The following PLXND1 variants were observed in gnomAD, a reference collection of about 807,000 sequenced individuals.
The protein encoded by PLXND1 is plexin-D1.
Under a neutral mutation model 197.7 loss-of-function variants are expected in PLXND1, and 54 were observed. The ratio of observed to expected loss-of-function variants is 0.27; its 90% CI spans 0.22 to 0.34. The LOEUF (loss-of-function observed/expected upper bound fraction) is 0.34. PLXND1 is among the 10% of genes least tolerant of loss of function. The pLI, the probability that PLXND1 is intolerant of heterozygous loss-of-function variation, is 1.00. For synonymous variants in PLXND1, 1,180 were observed against 1,161.2 expected (o/e 1.02, Z -0.33); for missense variants, 2,127 against 2,699.2 (o/e 0.79, Z 4.70).
In PLXND1 at chr3:129,558,513, T is replaced by C. The variant is rs922019052; in HGVS notation, c.5360A>G (p.Lys1787Arg). Residue 1787 changes from lysine to arginine, a missense_variant, in exon 33 of 36, where the codon AAG (lysine) becomes AGG (arginine). Physicochemically the swap from Lys to Arg is conservative, Grantham distance 26. Around this residue, in one of 6 missense-constraint regions of PLXND1, gnomAD observed 200 missense variants for 303.3 expected, o/e 0.66. Transcript: ENST00000324093. The surrounding 1 kb of genome is among the most constrained non-coding windows in gnomAD (Gnocchi z 4.1). ...AAGGCAGGCGTCGATGTGGTCTGTC[T>C]TGTCGATGTCAAAGACAAACTGGGG... is the stretch of plus-strand genomic sequence containing the variant. ...KNPQFVFDID[K>R]TDHIDACLSV... 6.2e-7 allele frequency: 1 copy of C among 1,613,956 alleles called. No individual in the cohort carries two copies.
At position 129,605,687 on chromosome 3, in the gene PLXND1, A is replaced by G; in HGVS notation, c.953T>C (p.Leu318Pro). 1 of 1,538,288 alleles carries G rather than the reference A, an allele frequency of 6.5e-7. No homozygotes were observed. Among genetic ancestry groups the G allele is most frequent in the Non-Finnish European group, 8.7e-7 (1 of 1,144,938 alleles). Residue 318 changes from leucine to proline, a missense_variant, in exon 1 of 36, where the codon CTG becomes CCG. By Grantham distance (98) the Leu-to-Pro change is moderately conservative. Coordinates refer to ENST00000324093, the MANE Select transcript of PLXND1 (RefSeq NM_015103.3). ...GDKESQARSLLARICLPHGAG... is the reference protein window; with the variant it reads ...GDKESQARSLPARICLPHGAG... ...GCCGTGGGGCAGGCAGATGCGCGCCAGCAGGCTCCGCGCCTGGCTCTCCTT... is the reference window on the plus strand; with the variant it reads ...GCCGTGGGGCAGGCAGATGCGCGCCGGCAGGCTCCGCGCCTGGCTCTCCTT...
At chr3:129,574,121 T>C (rs1578326892) in intron 12 of PLXND1, among the ~76,000 whole-genome samples, 3 of 152,218 alleles carry the variant, frequency 2.0e-5, no homozygotes, top group East Asian at 3.8e-4. Context: ...CAATGCCTTC[T>C]ATAATTTATT....
chr3:129,556,159 G>A lies in PLXND1; in HGVS notation c.*153C>T. ...CAGGGGTCAAGGCGGGGGCGCCCCT[G>A]TCTCAGAGAGCAGCCCCTCCTCCTG... On this transcript the variant is annotated 3_prime_UTR_variant, in exon 36 of 36. Transcript: ENST00000324093. 1 of 659,648 alleles carries A rather than the reference G, an allele frequency of 1.5e-6. No homozygotes were observed. Among genetic ancestry groups the A allele is most frequent in the Non-Finnish European group, 2.7e-6 (1 of 368,854 alleles). 40.9% of individuals were successfully genotyped at this position (659,648 alleles called of 1,614,324 possible). A position where few individuals can be genotyped will look rare whatever the true frequency, so the allele number is the denominator to read the frequency against.
In PLXND1 at chr3:129,561,610, C is replaced by T. The variant is rs766290312; in HGVS notation, c.4993+36G>A. 2.0e-6 allele frequency: 3 copies of T among 1,508,222 alleles called. No homozygotes were observed. In the Admixed American group the frequency reaches 5.2e-5, roughly 26 times the overall value. 93.4% of individuals were successfully genotyped at this position (1,508,222 alleles called of 1,614,324 possible). ...TGGGATGGAAGCCCCTGTCCACACG[C>T]AGCCTGGGCTCCCTTCCCACGTGCA... On this transcript the variant is annotated intron_variant, in intron 29 of 35. Transcript: ENST00000324093.
At position 129,575,476 on chromosome 3, in the gene PLXND1, G is replaced by T. The variant is rs1202850801; in HGVS notation, c.2523C>A (p.Pro841=). ...RPARFLDSPE[P]MTVMVYNCAM... ...GCGGGTGGGGGTGCCCACCTGTCAT[G>T]GGCTCAGGGCTGTCCAGGAATCGGG... Residue 841 remains proline, a synonymous_variant, in exon 11 of 36, where the codon CCC becomes CCA. Coordinates refer to ENST00000324093, the MANE Select transcript of PLXND1 (RefSeq NM_015103.3). The T allele has an allele frequency of 6.4e-7, 1 of 1,551,126 alleles. No individual in the cohort carries two copies. Among genetic ancestry groups the T allele is most frequent in the African/African-American group, 1.4e-5 (1 of 73,228 alleles).
In PLXND1 at chr3:129,572,704, G is replaced by A. The variant is rs113382224; in HGVS notation, c.2982C>T (p.Ala994=). 3.1e-5 allele frequency: 49 copies of A among 1,601,584 alleles called. 1 individual carries two copies. The Middle Eastern group carries it at 5.0e-4, about 16-fold the overall frequency. ...HSLEPTMGPK[A]GGTRITIHGN... is the part of the protein sequence containing the mutation. ...CATGGATGGTGATCCTGGTGCCCCC[G>A]GCCTTGGGGCCCATGGTAGGCTCCA... is the stretch of plus-strand genomic sequence containing the variant. The change falls in exon 15 of 36, where the codon GCC becomes GCT. Residue 994 remains alanine, a synonymous_variant. Transcript: ENST00000324093.
rs754140041 is a variant in PLXND1, at chr3:129,556,703, C to G, written c.5587-12G>C. 1.9e-6 allele frequency: 3 copies of G among 1,599,990 alleles called. No homozygotes were observed. The African/African-American group carries it at 4.0e-5, about 21-fold the overall frequency. ...TCATTCTGGTATTTCTATAAGGAGG[C>G]AGGATGGGGAGGAGGTTAGCCCAGC... On this transcript the variant is annotated splice_polypyrimidine_tract_variant and intron_variant, in intron 34 of 35. Transcript: ENST00000324093.
chr3:129,589,330 C>CCA, intron 2 of PLXND1, 21 bp downstream of exon 2: 1 of 1,413,018 alleles, frequency 7.1e-7, no homozygotes. Flanking sequence ...ACCCCCTCCC[C>CCA]ACATCCCCAA....
intron 1 of PLXND1, among the ~76,000 whole-genome samples, chr3:129,604,446 CTCTGTGCCTGTT>C (rs1350719882): frequency 2.0e-5 from 3 of 152,226 alleles, no homozygotes; most frequent in African/African-American, 7.2e-5. Context: ...TGCTTAACCT[CTCTGTGCCTGTT>C]TCTTCATCTG....
chr3:129,573,014 GC>G, intron 13 of PLXND1, 73 bp from the exon 14 acceptor site: 1 of 1,034,058 alleles, frequency 9.7e-7, no homozygotes, highest in Non-Finnish European at 1.5e-6. Context: ...CTCAGGGATC[GC>G]CCCATTCCAC....
intron 8 of PLXND1, among the ~76,000 whole-genome samples, chr3:129,579,906 G>A (rs754661087): frequency 1.5e-4 from 23 of 152,182 alleles, no homozygotes; most frequent in Non-Finnish European, 2.6e-4. Context: ...CGGACCTCGA[G>A]GGGATGCCAA....
intron 1 of PLXND1, 36 bp downstream of exon 1, chr3:129,605,278 CCCGCCCCCGCCGCCG>C: frequency 5.4e-6 from 4 of 736,878 alleles, no homozygotes; most frequent in South Asian, 5.1e-5. Context: ...CGCCCCCGCC[CCCGCCCCCGCCGCCG>C]CCGCCGCCGC....
chr3:129,556,869 TC>T lies in PLXND1; in HGVS notation c.5587-179del. On this transcript the variant is annotated intron_variant, in intron 34 of 35. Coordinates refer to ENST00000324093, the MANE Select transcript of PLXND1 (RefSeq NM_015103.3). ...CGGCTTCCCGGACCCTGAAGTCCAA[TC>T]TCCTCTCCATCCAGAGGGTGCTCTC... 3 of 688,590 alleles carry T rather than the reference TC, an allele frequency of 4.4e-6. No homozygotes were observed. The Admixed American group carries it at 7.6e-5, about 17-fold the overall frequency. 42.7% of individuals were successfully genotyped at this position (688,590 alleles called of 1,614,324 possible).
At chr3:129,556,864 T>A in intron 34 of PLXND1, 173 bp from the exon 35 acceptor site, 1 of 684,498 alleles carries the variant, frequency 1.5e-6, no homozygotes, top group East Asian at 2.7e-5. Flanking sequence ...GACCCTGAAG[T>A]CCAATCTCCT....
In PLXND1 at chr3:129,589,425, T is replaced by C; in HGVS notation, c.1414A>G (p.Thr472Ala). 1.2e-6 allele frequency: 2 copies of C among 1,607,656 alleles called. No individual in the cohort carries two copies. Among genetic ancestry groups the C allele is most frequent in the Non-Finnish European group, 8.5e-7 (1 of 1,178,406 alleles). ...ATPVFRAPGL[T>A]SVAVASVNNY... ...TTGACGCTGGCCACGGCCACGGAGG[T>C]GAGGCCCGGGGCGCGGAACACGGGC... Residue 472 changes from threonine to alanine, a missense_variant, in exon 2 of 36, where the codon ACC becomes GCC. By Grantham distance (58) the Thr-to-Ala change is moderately conservative. Coordinates refer to ENST00000324093, the MANE Select transcript of PLXND1 (RefSeq NM_015103.3).
intron 23 of PLXND1, among the ~76,000 whole-genome samples, 198 bp downstream of exon 23, chr3:129,566,329 T>C (rs2085139888): frequency 6.6e-6 from 1 of 151,712 alleles, no homozygotes; most frequent in African/African-American, 2.4e-5. Context: ...CTACCTGGCC[T>C]GCGGGGGCAG....
At position 129,556,263 on chromosome 3, in the gene PLXND1, G is replaced by A. The variant is rs2084971543; in HGVS notation, c.*49C>T. The A allele has an allele frequency of 8.1e-7, 1 of 1,241,172 alleles. No individual in the cohort carries two copies. The highest frequency in any genetic ancestry group is 1.2e-6 in the Non-Finnish European group (1 of 842,056). The allele number at this position is 1,241,172 out of a possible 1,614,324, so 76.9% of individuals were successfully genotyped here. On this transcript the variant is annotated 3_prime_UTR_variant, in exon 36 of 36. Coordinates refer to ENST00000324093, the MANE Select transcript of PLXND1 (RefSeq NM_015103.3). ...GGGTAGAAGATCAAGTTGAGGCCCA[G>A]TGGGCGTCCATTTCTCCCAGCAGCA...
Position 129,571,186 on chromosome 3 carries a change from C to T in PLXND1, c.3454G>A (p.Val1152Met), listed in dbSNP as rs1578321781. The change falls in exon 18 of 36, where the codon GTG (valine) becomes ATG (methionine). Residue 1152 changes from valine (V) to methionine (M), a missense_variant. Val to Met is a conservative substitution (Grantham distance 21, BLOSUM62 1). Coordinates refer to ENST00000324093, the MANE Select transcript of PLXND1 (RefSeq NM_015103.3). Reference sequence around the variant, plus strand: ...TCGGGGTCCAGTAGCTCCTCAGCCACAGCCACCTCGTCTGCGTAGGCCCGC... The same window carrying T: ...TCGGGGTCCAGTAGCTCCTCAGCCATAGCCACCTCGTCTGCGTAGGCCCGC... ...NGRAYADEVA[V>M]AEELLDPEEA... 2 of 1,614,234 alleles carry T rather than the reference C, an allele frequency of 1.2e-6. No homozygotes were observed. Among genetic ancestry groups the T allele is most frequent in the Non-Finnish European group, 1.7e-6 (2 of 1,180,036 alleles).
chr3:129,601,318 C>G (rs2085704999), intron 1 of PLXND1, among the ~76,000 whole-genome samples: 1 of 152,166 alleles, frequency 6.6e-6, no homozygotes, highest in Non-Finnish European at 1.5e-5. Context: ...CAGCTTCTCC[C>G]TTTGGGTTCT....
Sources: gnomAD v4.1 joint callset for allele counts (sites outside exome capture counted in the v4.1 genomes callset) on GRCh38, gnomAD v4.1.1 for gene constraint, gnomAD v4.1.1 regional missense constraint, Gnocchi (gnomAD v3.1) non-coding constraint, MANE v1.5 for transcripts, NCBI Gene and HGNC (gene_info 2026-07-23, HGNC 2026-07-21) for gene names.